Variants in PXDNL observed in about 807,000 individuals in gnomAD.
PXDNL encodes the protein peroxidasin like.
Under a neutral mutation model 150.8 loss-of-function variants are expected in PXDNL, and 145 were observed. The observed-to-expected ratio is 0.96, with a 90% confidence interval of 0.84 to 1.10. The LOEUF is 1.10. Ranked by LOEUF, PXDNL falls within the 50% of genes least tolerant of loss-of-function variation. The probability of loss-of-function intolerance (pLI) is 0.00; values close to 1 mark genes in which losing one functional copy is unlikely to be tolerated. For missense variants in PXDNL, 2,087 were observed against 1,873.9 expected, an observed-to-expected ratio of 1.11 and a Z score of -2.10; for synonymous variants, 757 against 725.7, an observed-to-expected ratio of 1.04 and a Z score of -0.69.
In PXDNL at chr8:51,328,954, G is replaced by C. The variant is rs368902016; in HGVS notation, c.4147-8057C>G. 2.0e-4 allele frequency among the ~76,000 whole-genome samples: 31 copies of C among 152,272 alleles called. 2 individuals carry two copies. The East Asian group carries it at 4.4e-3, about 22-fold the overall frequency. On this transcript the variant is annotated intron_variant, in intron 21 of 22. Coordinates refer to ENST00000356297, the MANE Select transcript of PXDNL (RefSeq NM_144651.5). Reference sequence around the variant, plus strand: ...TAAATCCTAAAACAAACTGGGAAAAGGGATTCTAACTCACTGCATCCTACT... The same window carrying C: ...TAAATCCTAAAACAAACTGGGAAAACGGATTCTAACTCACTGCATCCTACT...
intron 2 of PXDNL, among the ~76,000 whole-genome samples, chr8:51,610,903 A>T (rs1813984814): frequency 6.6e-6 from 1 of 152,148 alleles, no homozygotes; most frequent in African/African-American, 2.4e-5. Flanking sequence ...CTCCCTTTTG[A>T]TTGACTCAAA....
chr8:51,552,937 C>A (rs1203700633), intron 4 of PXDNL, among the ~76,000 whole-genome samples: 1 of 152,146 alleles, frequency 6.6e-6, no homozygotes, highest in Non-Finnish European at 1.5e-5. Flanking sequence ...CAGCTGTGAG[C>A]CTGTGAAATC....
chr8:51,645,810 T>C (rs1349413847), intron 2 of PXDNL, among the ~76,000 whole-genome samples: 1 of 152,128 alleles, frequency 6.6e-6, no homozygotes, highest in Non-Finnish European at 1.5e-5. Context: ...GCCTCAGATG[T>C]TGTGCAGACA....
chr8:51,744,262 GAGAA>G (rs1398736808), intron 1 of PXDNL, among the ~76,000 whole-genome samples: 71 of 101,100 alleles, frequency 7.0e-4, no homozygotes, highest in African/African-American at 1.4e-3. Context: ...AGAAAGAAAA[GAGAA>G]AGAAAGGAAG....
intron 1 of PXDNL, among the ~76,000 whole-genome samples, chr8:51,695,027 G>A (rs894656129): frequency 2.0e-5 from 3 of 152,162 alleles, no homozygotes; most frequent in African/African-American, 7.2e-5. Context: ...GGGCCAATAG[G>A]TGAGGCCATG....
intron 5 of PXDNL, among the ~76,000 whole-genome samples, chr8:51,495,750 T>G (rs1811031191): frequency 6.6e-6 from 1 of 152,180 alleles, no homozygotes. Flanking sequence ...AATCTCTGAA[T>G]AGACCAATAA....
chr8:51,387,080 A>C (rs1807740022), intron 17 of PXDNL, among the ~76,000 whole-genome samples: 1 of 152,170 alleles, frequency 6.6e-6, no homozygotes. Context: ...AACTAAGCTT[A>C]TCCTTCATTC....
chr8:51,462,488 G>A (rs1041530350), intron 8 of PXDNL, among the ~76,000 whole-genome samples: 4 of 152,096 alleles, frequency 2.6e-5, no homozygotes, highest in Non-Finnish European at 2.9e-5. Flanking sequence ...ATCACTACAG[G>A]AATTTCATAA....
Position 51,377,404 on chromosome 8 carries a change from G to C in PXDNL, c.3558-2673C>G, listed in dbSNP as rs1017668778. The stretch of plus-strand genomic sequence containing the variant: ...GGCCTCCTCAGCCTCAGTGGCCAGA[G>C]GCCACTCTGGCCGTGCTTGAGGGGC... On this transcript the variant is annotated intron_variant, in intron 17 of 22. Transcript: ENST00000356297. Among the ~76,000 whole-genome samples the C allele has an allele frequency of 6.6e-5, 10 of 152,170 alleles. 1 individual carries two copies. Among genetic ancestry groups the C allele is most frequent in the Non-Finnish European group, 1.5e-5 (1 of 68,018 alleles).
chr8:51,630,702 A>G (rs1281662120), intron 2 of PXDNL, among the ~76,000 whole-genome samples: 1 of 152,166 alleles, frequency 6.6e-6, no homozygotes, highest in Non-Finnish European at 1.5e-5. Context: ...ACTAATCATT[A>G]GAGAAATGTA....
chr8:51,615,246 T>TA (rs888543508), intron 2 of PXDNL, among the ~76,000 whole-genome samples: 1 of 151,824 alleles, frequency 6.6e-6, no homozygotes, highest in Non-Finnish European at 1.5e-5. Context: ...TTTACTCATT[T>TA]AAAAAAAATC....
At chr8:51,577,485 C>G (rs935838124) in intron 3 of PXDNL, among the ~76,000 whole-genome samples, 1 of 149,360 alleles carries the variant, frequency 6.7e-6, no homozygotes, top group South Asian at 2.1e-4. Context: ...ATTGAAAAAC[C>G]TCTGGCAAGA....
At chr8:51,539,349 A>T (rs765064208) in intron 4 of PXDNL, among the ~76,000 whole-genome samples, 11 of 151,942 alleles carry the variant, frequency 7.2e-5, no homozygotes, top group Non-Finnish European at 1.5e-4. Flanking sequence ...TCTTTTTCTT[A>T]TATTGCTGAA....
chr8:51,409,663 C>T (rs1808572218), intron 16 of PXDNL, 102 bp from the exon 17 acceptor site: 1 of 952,002 alleles, frequency 1.1e-6, no homozygotes, highest in African/African-American at 1.7e-5. Flanking sequence ...CCCCGCCCGC[C>T]CTGAGTGAAA....
At chr8:51,772,732 C>T (rs979409400) in intron 1 of PXDNL, among the ~76,000 whole-genome samples, 1 of 152,140 alleles carries the variant, frequency 6.6e-6, no homozygotes, top group Non-Finnish European at 1.5e-5. Context: ...GGGGCTGAGA[C>T]AAGGTAGCAT....
At chr8:51,681,640 T>C (rs1184970007) in intron 1 of PXDNL, among the ~76,000 whole-genome samples, 1 of 152,258 alleles carries the variant, frequency 6.6e-6, no homozygotes, top group East Asian at 1.9e-4. Flanking sequence ...ATGTCCAGCA[T>C]ATGGCCACGG....
intron 2 of PXDNL, among the ~76,000 whole-genome samples, chr8:51,638,607 C>T (rs1352426428): frequency 6.6e-6 from 1 of 152,034 alleles, no homozygotes; most frequent in African/African-American, 2.4e-5. Flanking sequence ...ACAAAGAAGG[C>T]CATTACATAA....
At position 51,616,839 on chromosome 8, in the gene PXDNL, G is replaced by A. The variant is rs373665618; in HGVS notation, c.237-24141C>T. 2.6e-3 allele frequency among the ~76,000 whole-genome samples: 401 copies of A among 152,254 alleles called. 2 individuals carry two copies. Among genetic ancestry groups the A allele is most frequent in the African/African-American group, 9.0e-3 (372 of 41,540 alleles). On this transcript the variant is annotated intron_variant, in intron 2 of 22. Transcript: ENST00000356297. ...GAATCCAAATTTGAAACCCACAGAT[G>A]TGATTGACTGTACTTTAAATCATCT...
chr8:51,724,136 G>A (rs1399090307), intron 1 of PXDNL, among the ~76,000 whole-genome samples: 3 of 152,102 alleles, frequency 2.0e-5, no homozygotes. Context: ...AGCAGGTTGG[G>A]AGGACGGGTG....
Sources: allele counts gnomAD v4.1 joint callset (sites outside exome capture counted in the v4.1 genomes callset), GRCh38; gene constraint gnomAD v4.1.1; transcripts MANE v1.5; gene names NCBI Gene and HGNC (gene_info 2026-07-23, HGNC 2026-07-21).